The following CNTNAP2 variants were observed in gnomAD, a reference collection of about 807,000 sequenced individuals.
CNTNAP2 encodes the protein contactin-associated protein-like 2.
A neutral mutation model predicts 155.2 loss-of-function variants in CNTNAP2; 98 were observed. That is an observed-to-expected ratio of 0.63 (90% CI 0.54 to 0.75). The LOEUF (loss-of-function observed/expected upper bound fraction) is 0.75, where lower values mean the gene tolerates loss of function less well. Among genes scored for constraint, CNTNAP2 ranks in the 30% least tolerant of loss-of-function variants. The pLI, the probability that CNTNAP2 is intolerant of heterozygous loss-of-function variation, is 0.00. For synonymous variants in CNTNAP2, 651 were observed against 631.2 expected, an observed-to-expected ratio of 1.03 and a Z score of -0.47; for missense variants, 1,727 against 1,688.1, an observed-to-expected ratio of 1.02 and a Z score of -0.40.
At chr7:148,154,833 A>G (rs536807362) in intron 17 of CNTNAP2, among the ~76,000 whole-genome samples, 2 of 152,208 alleles carry the variant, frequency 1.3e-5, no homozygotes, top group African/African-American at 2.4e-5. Flanking sequence ...GCTACTTGGG[A>G]AGCTGAGGCA....
intron 3 of CNTNAP2, among the ~76,000 whole-genome samples, chr7:146,992,198 TAAAG>T (rs1160023975): frequency 1.3e-5 from 2 of 152,170 alleles, no homozygotes; most frequent in South Asian, 2.1e-4. Context: ...AGTTTCATGT[TAAAG>T]AAGGTAAAAA....
intron 1 of CNTNAP2, among the ~76,000 whole-genome samples, chr7:146,759,643 C>T (rs535969904): frequency 2.5e-4 from 34 of 136,132 alleles, no homozygotes; most frequent in African/African-American, 3.6e-4. Context: ...GCTGAGATCA[C>T]GCCACAGCAC....
At chr7:147,578,476 T>C (rs1800439691) in intron 12 of CNTNAP2, among the ~76,000 whole-genome samples, 1 of 152,046 alleles carries the variant, frequency 6.6e-6, no homozygotes, top group Non-Finnish European at 1.5e-5. Flanking sequence ...CATTGATTGC[T>C]CTCCCATTAA....
chr7:147,311,000 G>C (rs182199293), intron 9 of CNTNAP2, among the ~76,000 whole-genome samples: 7 of 152,246 alleles, frequency 4.6e-5, no homozygotes, highest in Non-Finnish European at 7.4e-5. Flanking sequence ...AAACAGGCTA[G>C]AGTGATCAGA....
chr7:147,207,300 T>C (rs1294148682), intron 8 of CNTNAP2, among the ~76,000 whole-genome samples: 1 of 152,154 alleles, frequency 6.6e-6, no homozygotes, highest in Non-Finnish European at 1.5e-5. Flanking sequence ...CCAATACTCT[T>C]CAGTGGGGAA....
chr7:147,258,734 G>A (rs1804386735), intron 8 of CNTNAP2, among the ~76,000 whole-genome samples: 1 of 152,162 alleles, frequency 6.6e-6, no homozygotes, highest in South Asian at 2.1e-4. Context: ...GGAGAGTTAA[G>A]TGACCTCCTA....
intron 1 of CNTNAP2, among the ~76,000 whole-genome samples, chr7:146,336,686 A>T (rs1402369917): frequency 1.3e-5 from 2 of 152,120 alleles, no homozygotes; most frequent in Non-Finnish European, 2.9e-5. Flanking sequence ...AAACTAAAAT[A>T]CTCCTCAATA....
chr7:147,796,727 G>A (rs149062837), intron 13 of CNTNAP2, among the ~76,000 whole-genome samples: 3 of 152,280 alleles, frequency 2.0e-5, no homozygotes, highest in African/African-American at 7.2e-5. Flanking sequence ...GCTGGGCAAG[G>A]ATGCACAGAG....
intron 13 of CNTNAP2, among the ~76,000 whole-genome samples, chr7:147,675,197 C>G (rs1365444546): frequency 6.6e-6 from 1 of 152,090 alleles, no homozygotes; most frequent in Non-Finnish European, 1.5e-5. Context: ...CTGCCTCCGT[C>G]TTCACAAGGC....
At chr7:146,812,669 TCAGGCTCACTA>T (rs1358103551) in intron 2 of CNTNAP2, among the ~76,000 whole-genome samples, 2 of 152,050 alleles carry the variant, frequency 1.3e-5, no homozygotes, top group Non-Finnish European at 2.9e-5. Flanking sequence ...AGGGAGAAAT[TCAGGCTCACTA>T]CAGAAATTTG....
intron 8 of CNTNAP2, among the ~76,000 whole-genome samples, chr7:147,227,266 A>T (rs1803568367): frequency 6.6e-6 from 1 of 152,088 alleles, no homozygotes; most frequent in South Asian, 2.1e-4. Flanking sequence ...ATCAGAGAAG[A>T]TGAAGTTGAA....
At chr7:147,615,372 T>C (rs950225293) in intron 12 of CNTNAP2, among the ~76,000 whole-genome samples, 2 of 146,828 alleles carry the variant, frequency 1.4e-5, no homozygotes, top group Non-Finnish European at 3.0e-5. Context: ...TCCCAGCACG[T>C]TGGGTGGCTG....
intron 22 of CNTNAP2, among the ~76,000 whole-genome samples, chr7:148,394,693 C>G (rs1441428411): frequency 1.3e-5 from 2 of 152,174 alleles, no homozygotes; most frequent in African/African-American, 4.8e-5. Context: ...TTAGAATCAC[C>G]TGGGGGAAAT....
intron 12 of CNTNAP2, among the ~76,000 whole-genome samples, chr7:147,564,924 G>A (rs1800139623): frequency 6.6e-6 from 1 of 152,132 alleles, no homozygotes; most frequent in Non-Finnish European, 1.5e-5. Context: ...AGGCCAGCAG[G>A]CACCTTTCAG....
chr7:147,470,190 A>G (rs112737926), intron 10 of CNTNAP2, among the ~76,000 whole-genome samples: 47 of 152,360 alleles, frequency 3.1e-4, no homozygotes, highest in African/African-American at 1.1e-3. Flanking sequence ...TTGGGTGAGA[A>G]GAGACACAGA....
At chr7:146,266,799 A>T (rs1232574336) in intron 1 of CNTNAP2, among the ~76,000 whole-genome samples, 3 of 152,146 alleles carry the variant, frequency 2.0e-5, no homozygotes, top group Non-Finnish European at 4.4e-5. Flanking sequence ...TGATGGAAAA[A>T]AAAATGTTTG....
intron 10 of CNTNAP2, among the ~76,000 whole-genome samples, chr7:147,437,047 C>T (rs1034873993): frequency 5.9e-5 from 9 of 151,694 alleles, no homozygotes; most frequent in Middle Eastern, 3.4e-3. Context: ...AAAGTTTAGT[C>T]CAGCTGAGGG....
intron 18 of CNTNAP2, among the ~76,000 whole-genome samples, chr7:148,174,297 A>G (rs1794888967): frequency 1.3e-5 from 2 of 152,192 alleles, no homozygotes; most frequent in African/African-American, 4.8e-5. Flanking sequence ...CTGTCCAGGA[A>G]AGCTTTGTCT....
At chr7:147,662,600 G>A (rs1394640249) in intron 13 of CNTNAP2, among the ~76,000 whole-genome samples, 1 of 152,198 alleles carries the variant, frequency 6.6e-6, no homozygotes, top group Non-Finnish European at 1.5e-5. Flanking sequence ...TTGTATGGGT[G>A]CGAGTGAGTG....
Sources: allele counts gnomAD v4.1 joint callset (sites outside exome capture counted in the v4.1 genomes callset), GRCh38; gene constraint gnomAD v4.1.1; transcripts MANE v1.5; gene names NCBI Gene and HGNC (gene_info 2026-07-23, HGNC 2026-07-21).